Variants in LINGO2 observed in about 807,000 individuals in gnomAD.
The protein encoded by LINGO2 is leucine rich repeat and Ig domain containing 2.
A neutral mutation model predicts 30.6 loss-of-function variants in LINGO2; 14 were observed. The observed-to-expected ratio is 0.46, with a 90% confidence interval of 0.30 to 0.72. The LOEUF (loss-of-function observed/expected upper bound fraction) is 0.72. Ranked by LOEUF, LINGO2 falls within the 30% of genes least tolerant of loss-of-function variation. The pLI is 0.07. For synonymous variants in LINGO2, 317 were observed against 288.5 expected (o/e 1.10, Z -1.00); for missense variants, 729 against 751.7 (o/e 0.97, Z 0.35).
intron 4 of LINGO2, among the ~76,000 whole-genome samples, chr9:28,173,483 T>A (rs928352258): frequency 6.6e-6 from 1 of 152,216 alleles, no homozygotes; most frequent in African/African-American, 2.4e-5. Context: ...ATAGGACCAA[T>A]TTTTTGAATT....
At chr9:28,312,131 G>A (rs1564114934) in intron 3 of LINGO2, among the ~76,000 whole-genome samples, 1 of 132,892 alleles carries the variant, frequency 7.5e-6, no homozygotes, top group Non-Finnish European at 1.6e-5. Context: ...TCTTTAGCTA[G>A]ATGTTTTAGA....
chr9:29,114,871 T>C, the LINGO2 span, among the ~76,000 whole-genome samples: 1 of 152,138 alleles, frequency 6.6e-6, no homozygotes, highest in Non-Finnish European at 1.5e-5. Context: ...TCCAGGACAC[T>C]CAGTTCTTTA....
At chr9:28,969,747 G>C in the LINGO2 span, among the ~76,000 whole-genome samples, 1 of 152,184 alleles carries the variant, frequency 6.6e-6, no homozygotes, top group African/African-American at 2.4e-5. Context: ...TATGAAGGAA[G>C]AGAGGAGATT....
chr9:28,820,103 A>G, the LINGO2 span, among the ~76,000 whole-genome samples: 120,381 of 152,110 alleles, frequency 0.79, 47,713 homozygotes, highest in East Asian at 0.9. Flanking sequence ...GATGTCTAAG[A>G]ACAGGTAAGA....
the LINGO2 span, among the ~76,000 whole-genome samples, chr9:28,978,251 A>C: frequency 6.6e-6 from 1 of 152,146 alleles, no homozygotes; most frequent in Non-Finnish European, 1.5e-5. Context: ...TGAATGTGAA[A>C]TCTGATGTTT....
At chr9:28,353,339 G>A (rs369501954) in intron 3 of LINGO2, among the ~76,000 whole-genome samples, 19 of 150,070 alleles carry the variant, frequency 1.3e-4, no homozygotes, top group African/African-American at 3.2e-4. Flanking sequence ...AAAAGTGGGC[G>A]AAGGACATGA....
At chr9:29,014,728 C>G in the LINGO2 span, among the ~76,000 whole-genome samples, 1 of 152,056 alleles carries the variant, frequency 6.6e-6, no homozygotes, top group African/African-American at 2.4e-5. Context: ...CATCAAGGAG[C>G]ACTGATGGGA....
the LINGO2 span, among the ~76,000 whole-genome samples, chr9:28,863,345 A>T: frequency 6.6e-6 from 1 of 152,102 alleles, no homozygotes; most frequent in Admixed American, 6.6e-5. Flanking sequence ...ATGTTTTTTT[A>T]ACCAAGAAAT....
intron 4 of LINGO2, among the ~76,000 whole-genome samples, chr9:28,164,302 G>T (rs1345154785): frequency 6.6e-6 from 1 of 152,072 alleles, no homozygotes; most frequent in Non-Finnish European, 1.5e-5. Flanking sequence ...AGACACTGTG[G>T]TAAAATATAA....
intron 4 of LINGO2, among the ~76,000 whole-genome samples, chr9:28,277,156 G>A (rs1025915853): frequency 6.6e-6 from 1 of 152,168 alleles, no homozygotes; most frequent in Non-Finnish European, 1.5e-5. Flanking sequence ...TTTTCCAGCA[G>A]TATGCCCTTG....
At chr9:28,872,953 G>T in the LINGO2 span, among the ~76,000 whole-genome samples, 1 of 152,086 alleles carries the variant, frequency 6.6e-6, no homozygotes, top group East Asian at 1.9e-4. Context: ...GATTCCATTT[G>T]CAATGACAAA....
At chr9:29,072,845 T>C in the LINGO2 span, among the ~76,000 whole-genome samples, 1 of 151,902 alleles carries the variant, frequency 6.6e-6, no homozygotes, top group Admixed American at 6.6e-5. Context: ...GAATTTTTAA[T>C]TTCTTTTGGT....
chr9:28,550,427 T>G (rs938741606), intron 1 of LINGO2, among the ~76,000 whole-genome samples: 1 of 151,902 alleles, frequency 6.6e-6, no homozygotes, highest in African/African-American at 2.4e-5. Context: ...TTTCAATGAC[T>G]GTATTTTTAT....
At chr9:28,632,876 A>ATATG (rs1563879176) in intron 1 of LINGO2, among the ~76,000 whole-genome samples, 1 of 88,228 alleles carries the variant, frequency 1.1e-5, no homozygotes, top group African/African-American at 4.6e-5. Flanking sequence ...ATATATATAT[A>ATATG]TATGTAGAGA....
intron 4 of LINGO2, among the ~76,000 whole-genome samples, chr9:28,253,984 T>G (rs917815813): frequency 5.9e-5 from 9 of 152,102 alleles, no homozygotes; most frequent in African/African-American, 2.2e-4. Flanking sequence ...GTCGGACTCT[T>G]GTTCAGGAGA....
chr9:28,822,547 C>T, the LINGO2 span, among the ~76,000 whole-genome samples: 1 of 150,486 alleles, frequency 6.6e-6, no homozygotes, highest in African/African-American at 2.4e-5. Context: ...TTAATCTGGG[C>T]GGACACCATC....
chr9:28,697,329 T>A, the LINGO2 span, among the ~76,000 whole-genome samples: 1 of 151,992 alleles, frequency 6.6e-6, no homozygotes, highest in Non-Finnish European at 1.5e-5. Flanking sequence ...GCAAATCTTC[T>A]GGATTTGGAA....
Position 28,436,305 on chromosome 9 carries a change from TAGTTTTA to T in LINGO2, c.-279+39628_-279+39634del, listed in dbSNP as rs574120105. 4.6e-5 allele frequency among the ~76,000 whole-genome samples: 7 copies of T among 152,254 alleles called. No homozygotes were observed. In the South Asian group the frequency reaches 1.5e-3, roughly 32 times the overall value. Reference sequence around the variant, plus strand: ...TTCTGCCAAGACCTTTGCAACCTAATAGTTTTAACTATTGGCACTGAACATAGACATA... The same window carrying T: ...TTCTGCCAAGACCTTTGCAACCTAATACTATTGGCACTGAACATAGACATA... On this transcript the variant is annotated intron_variant, in intron 2 of 5. Coordinates refer to ENST00000379992, the Ensembl canonical transcript of LINGO2.
chr9:28,578,456 A>G (rs1824096872), intron 1 of LINGO2, among the ~76,000 whole-genome samples: 1 of 152,174 alleles, frequency 6.6e-6, no homozygotes, highest in African/African-American at 2.4e-5. Context: ...ATAAAGATTA[A>G]CAATTATTTA....
Sources: allele counts gnomAD v4.1 joint callset (sites outside exome capture counted in the v4.1 genomes callset), GRCh38; gene constraint gnomAD v4.1.1; transcripts MANE v1.5; gene names NCBI Gene and HGNC (gene_info 2026-07-23, HGNC 2026-07-21).